The following TASP1 variants were observed in gnomAD, a reference collection of about 807,000 sequenced individuals.
TASP1 encodes the protein taspase 1, also known as threonine aspartase 1.
In TASP1, 16 loss-of-function variants were observed where a neutral mutation model predicts 56.6. The observed-to-expected ratio is 0.28, with a 90% CI of 0.19 to 0.43. The LOEUF (loss-of-function observed/expected upper bound fraction) is 0.43, where lower values mean the gene tolerates loss of function less well. TASP1 is among the 20% of genes least tolerant of loss of function. TASP1 has a pLI of 1.00. For missense variants in TASP1, 393 were observed against 511.6 expected (o/e 0.77, Z 2.24); for synonymous variants, 179 against 184.2 (o/e 0.97, Z 0.23).
the TASP1 span, among the ~76,000 whole-genome samples, chr20:13,194,274 A>G: frequency 1.5e-4 from 23 of 152,266 alleles, no homozygotes; most frequent in Admixed American, 3.3e-4. Flanking sequence ...TTAGGACAAT[A>G]TGGCTCAAGG....
At chr20:13,125,629 G>T in the TASP1 span, among the ~76,000 whole-genome samples, 1 of 152,216 alleles carries the variant, frequency 6.6e-6, no homozygotes, top group East Asian at 1.9e-4. Flanking sequence ...TGTTGAGTCA[G>T]CAGGGCACTG....
intron 8 of TASP1, among the ~76,000 whole-genome samples, chr20:13,548,440 T>C (rs991336541): frequency 1.1e-4 from 17 of 151,484 alleles, no homozygotes; most frequent in Admixed American, 1.1e-3. Flanking sequence ...GGTTGGGACA[T>C]AAAAAAAAGG....
chr20:13,555,711 C>T (rs1353049397), intron 8 of TASP1, among the ~76,000 whole-genome samples: 2 of 152,148 alleles, frequency 1.3e-5, no homozygotes, highest in Non-Finnish European at 2.9e-5. Context: ...GACTTTCTCC[C>T]ATGAATCACG....
chr20:13,609,436 C>T (rs1330442539), intron 4 of TASP1, among the ~76,000 whole-genome samples: 1 of 152,122 alleles, frequency 6.6e-6, no homozygotes, highest in African/African-American at 2.4e-5. Context: ...GTAATCCCAG[C>T]ACTTTGGGAG....
At chr20:13,186,577 T>G in the TASP1 span, among the ~76,000 whole-genome samples, 3,604 of 152,214 alleles carry the variant, frequency 0.024, 152 homozygotes, top group African/African-American at 0.082. Flanking sequence ...ATTGAAAGAT[T>G]ACAAAACACT....
chr20:13,553,041 T>A (rs2046031662), intron 8 of TASP1, among the ~76,000 whole-genome samples: 1 of 152,124 alleles, frequency 6.6e-6, no homozygotes. Context: ...GCTCAAGCTA[T>A]CCTCCCACCT....
chr20:13,299,553 G>A, the TASP1 span: 1 of 1,154,958 alleles, frequency 8.7e-7, no homozygotes, highest in East Asian at 2.4e-5. This position sits in a 1 kb window ranked among gnomAD's most constrained non-coding sequence, Gnocchi z 5.8. Context: ...CTTCATAGCT[G>A]CGGTCGTGTA....
the TASP1 span, chr20:13,279,895 T>C: frequency 5.6e-6 from 9 of 1,613,726 alleles, no homozygotes; most frequent in Non-Finnish European, 7.6e-6. Context: ...TCAGCCAGAA[T>C]ATGGTGAGTT....
chr20:13,608,838 T>C (rs1455751428), intron 4 of TASP1, among the ~76,000 whole-genome samples: 1 of 152,210 alleles, frequency 6.6e-6, no homozygotes, highest in Non-Finnish European at 1.5e-5. Flanking sequence ...GGAGCCTCAA[T>C]TCTAGCTAAG....
the TASP1 span, among the ~76,000 whole-genome samples, chr20:13,362,327 C>A: frequency 6.6e-6 from 1 of 151,902 alleles, no homozygotes; most frequent in Non-Finnish European, 1.5e-5. Flanking sequence ...TGAAGAATCA[C>A]AAAAGGAGTG....
the TASP1 span, among the ~76,000 whole-genome samples, chr20:13,334,556 C>T: frequency 6.6e-6 from 1 of 152,104 alleles, no homozygotes; most frequent in South Asian, 2.1e-4. Context: ...CTACTAAAAG[C>T]TTGGATACTA....
the TASP1 span, among the ~76,000 whole-genome samples, chr20:13,154,729 G>A: frequency 6.6e-6 from 1 of 152,082 alleles, no homozygotes; most frequent in Non-Finnish European, 1.5e-5. Flanking sequence ...CCTGTTTGGG[G>A]GTTGTTTACT....
At chr20:13,615,884 G>GA (rs952602361) in intron 4 of TASP1, among the ~76,000 whole-genome samples, 36 of 151,602 alleles carry the variant, frequency 2.4e-4, no homozygotes, top group Non-Finnish European at 2.9e-4. Context: ...TTGAGAGATG[G>GA]AAAAAAAACT....
chr20:13,248,757 C>G, the TASP1 span, among the ~76,000 whole-genome samples: 1 of 152,176 alleles, frequency 6.6e-6, no homozygotes, highest in Non-Finnish European at 1.5e-5. Context: ...TTCCCTTGAT[C>G]CCCAGATGTT....
At chr20:13,484,272 GA>G (rs2043243462) in intron 10 of TASP1, among the ~76,000 whole-genome samples, 1 of 152,146 alleles carries the variant, frequency 6.6e-6, no homozygotes, top group African/African-American at 2.4e-5. Context: ...ATCTAGAACT[GA>G]AAATGCCATT....
At chr20:13,582,125 A>G (rs77906144) in intron 5 of TASP1, among the ~76,000 whole-genome samples, 2 of 132,496 alleles carry the variant, frequency 1.5e-5, no homozygotes, top group Non-Finnish European at 3.1e-5. Flanking sequence ...ATGAAATACA[A>G]AAAAAAAAAA....
rs137902897 is a variant in TASP1, at chr20:13,453,713, T to C, written c.986-18559A>G. Among the ~76,000 whole-genome samples, 296 of 152,222 alleles carry C rather than the reference T, an allele frequency of 1.9e-3. 1 individual carries two copies. The highest frequency in any genetic ancestry group is 3.2e-3 in the Non-Finnish European group (220 of 68,016). On this transcript the variant is annotated intron_variant, in intron 11 of 13. Transcript: ENST00000337743. ...ACATACTGAACCCCATTCTAGATGA[T>C]GGGATTACATCAGTAAACAAGATAC...
chr20:13,241,162 A>T, the TASP1 span, among the ~76,000 whole-genome samples: 1 of 152,120 alleles, frequency 6.6e-6, no homozygotes, highest in East Asian at 1.9e-4. Flanking sequence ...ATGACTGGTG[A>T]CCTGAATGAG....
the TASP1 span, among the ~76,000 whole-genome samples, chr20:13,284,750 C>T: frequency 0.094 from 14,349 of 152,226 alleles, 2,107 homozygotes; most frequent in African/African-American, 0.31. Context: ...TTTCACTTCA[C>T]TGTCAGCCTC....
Sources: allele counts gnomAD v4.1 joint callset (sites outside exome capture counted in the v4.1 genomes callset), GRCh38; gene constraint gnomAD v4.1.1; non-coding constraint Gnocchi (gnomAD v3.1); transcripts MANE v1.5; gene names NCBI Gene and HGNC (gene_info 2026-07-23, HGNC 2026-07-21).